The following PRMT9 variants were observed in gnomAD, a reference collection of about 807,000 sequenced individuals.
PRMT9 encodes the protein protein arginine methyltransferase 9, also known as protein arginine N-methyltransferase 9.
Under a neutral mutation model 83.2 loss-of-function variants are expected in PRMT9, and 59 were observed. The observed-to-expected ratio is 0.71, with a 90% CI of 0.57 to 0.88. The LOEUF is 0.88. Among genes scored for constraint, PRMT9 ranks in the 40% least tolerant of loss-of-function variants. The pLI is 0.00. For synonymous variants in PRMT9, 333 were observed against 353.2 expected, an observed-to-expected ratio of 0.94 and a Z score of 0.64; for missense variants, 947 against 1,021.9, an observed-to-expected ratio of 0.93 and a Z score of 1.00.
chr4:147,650,704 G>A (rs1207220416), intron 9 of PRMT9, among the ~76,000 whole-genome samples: 4 of 152,174 alleles, frequency 2.6e-5, no homozygotes, highest in African/African-American at 7.2e-5. Context: ...GAACAAAGTT[G>A]GAGGCCTCAC....
chr4:147,676,915 G>A (rs1578939430), intron 2 of PRMT9, among the ~76,000 whole-genome samples: 1 of 152,020 alleles, frequency 6.6e-6, no homozygotes, highest in South Asian at 2.1e-4. Flanking sequence ...GTGGTGGCAT[G>A]TGCCTGTAAT....
At position 147,653,959 on chromosome 4, in the gene PRMT9, CAT is replaced by C; in HGVS notation, c.1936_1937del (p.Met646ValfsTer19). On this transcript the variant is annotated frameshift_variant, in exon 9 of 12. Transcript: ENST00000322396. LOFTEE classifies it high-confidence loss of function. Reference sequence around the variant, plus strand: ...ACTTGTCTGATTTTGGCCTTTGTAACATAGCAGATTCATCCTCCACATGTCTC... The same window carrying C: ...ACTTGTCTGATTTTGGCCTTTGTAACAGCAGATTCATCCTCCACATGTCTC... Reference protein sequence around the residue: ...WLRHVEDESAMLQRPKSDKLW... With the variant: ...WLRHVEDESAXLQRPKSDKLW... The C allele has an allele frequency of 1.2e-6, 2 of 1,614,180 alleles. No individual in the cohort carries two copies. The highest frequency in any genetic ancestry group is 1.7e-6 in the Non-Finnish European group (2 of 1,180,014).
intron 10 of PRMT9, among the ~76,000 whole-genome samples, chr4:147,642,487 C>A (rs913130371): frequency 6.7e-6 from 1 of 150,130 alleles, no homozygotes; most frequent in African/African-American, 2.5e-5. Context: ...GTGATCCACC[C>A]GCCTGGGCCT....
intron 4 of PRMT9, chr4:147,672,099 C>A: frequency 3.2e-6 from 1 of 313,110 alleles, no homozygotes; most frequent in Non-Finnish European, 6.3e-6. Flanking sequence ...CAACTGAGGA[C>A]AGTGTTTTTA....
chr4:147,676,310 A>T (rs181888247), intron 2 of PRMT9, among the ~76,000 whole-genome samples: 1 of 152,344 alleles, frequency 6.6e-6, no homozygotes, highest in Admixed American at 6.5e-5. Context: ...CCGTATGTGT[A>T]TAATCTGGAA....
intron 6 of PRMT9, among the ~76,000 whole-genome samples, chr4:147,661,754 C>T (rs1734973837): frequency 7.0e-6 from 1 of 143,010 alleles, no homozygotes; most frequent in Non-Finnish European, 1.5e-5. Context: ...CACGCCACTG[C>T]ACTCCAGCCT....
intron 1 of PRMT9, among the ~76,000 whole-genome samples, chr4:147,683,146 C>T (rs1040673933): frequency 6.6e-6 from 1 of 152,112 alleles, no homozygotes; most frequent in African/African-American, 2.4e-5. Context: ...AGGCTAATTA[C>T]ACACTTTATT....
chr4:147,652,746 C>A (rs1024557592), intron 9 of PRMT9, among the ~76,000 whole-genome samples: 1 of 133,418 alleles, frequency 7.5e-6, no homozygotes, highest in African/African-American at 2.8e-5. Flanking sequence ...AAAAAAAAAT[C>A]TATAAACTAA....
At chr4:147,649,036 T>G (rs1733921663) in intron 9 of PRMT9, among the ~76,000 whole-genome samples, 1 of 152,162 alleles carries the variant, frequency 6.6e-6, no homozygotes, top group Admixed American at 6.5e-5. Context: ...GAACCATCCA[T>G]GCCTTCAGCA....
At chr4:147,653,683 G>A (rs961450733) in intron 9 of PRMT9, among the ~76,000 whole-genome samples, 169 bp downstream of exon 9, 3 of 151,982 alleles carry the variant, frequency 2.0e-5, no homozygotes, top group Admixed American at 1.3e-4. Flanking sequence ...CCAAACCAGC[G>A]ATGATTTTAG....
Position 147,672,088 on chromosome 4 carries a change from A to G in PRMT9, c.743+871T>C, listed in dbSNP as rs150720197. 436 of 326,430 alleles carry G rather than the reference A, an allele frequency of 1.3e-3. 2 individuals carry two copies. Among genetic ancestry groups the G allele is most frequent in the Middle Eastern group, 7.5e-3 (8 of 1,072 alleles). 20.2% of individuals were successfully genotyped at this position (326,430 alleles called of 1,614,324 possible). A position where few individuals can be genotyped will look rare whatever the true frequency, so the allele number is the denominator to read the frequency against. On this transcript the variant is annotated intron_variant, in intron 4 of 11. Transcript: ENST00000322396. ...GTTATGGCAGCCCAAGTGGAACAAG[A>G]CAACTGAGGACAGTGTTTTTAGTGT...
intron 9 of PRMT9, among the ~76,000 whole-genome samples, chr4:147,645,543 C>T (rs1733672109): frequency 6.6e-6 from 1 of 152,134 alleles, no homozygotes; most frequent in South Asian, 2.1e-4. Flanking sequence ...TTAGGAAACA[C>T]ATGCTAAATA....
intron 10 of PRMT9, among the ~76,000 whole-genome samples, chr4:147,639,784 C>T (rs1254118808): frequency 6.6e-6 from 1 of 152,146 alleles, no homozygotes; most frequent in Non-Finnish European, 1.5e-5. Flanking sequence ...ACCACTTTTC[C>T]TTGTATAAGG....
intron 9 of PRMT9, among the ~76,000 whole-genome samples, chr4:147,652,531 AC>A (rs1296211665): frequency 1.3e-5 from 2 of 152,032 alleles, no homozygotes; most frequent in East Asian, 3.8e-4. Context: ...ATACTTTAAA[AC>A]CTATGAACCT....
chr4:147,641,217 AC>A (rs1197169570), intron 10 of PRMT9, among the ~76,000 whole-genome samples: 1 of 151,864 alleles, frequency 6.6e-6, no homozygotes, highest in Non-Finnish European at 1.5e-5. Flanking sequence ...TCTGTTCAAT[AC>A]CCTCCAGTTG....
chr4:147,684,068 G>A lies in PRMT9; in HGVS notation c.-81C>T, dbSNP rs980507295. 2.1e-6 allele frequency: 3 copies of A among 1,444,574 alleles called. No individual in the cohort carries two copies. Among genetic ancestry groups the A allele is most frequent in the Non-Finnish European group, 2.8e-6 (3 of 1,053,478 alleles). 89.5% of individuals were successfully genotyped at this position (1,444,574 alleles called of 1,614,324 possible). ...ACTCTCTCGATGCTACACTTCCAGG[G>A]ACCAGACAACTGCTCAAAAAACAGC... On this transcript the variant is annotated 5_prime_UTR_variant, in exon 1 of 12. Transcript: ENST00000322396.
At chr4:147,657,184 A>T (rs1423953354) in intron 8 of PRMT9, among the ~76,000 whole-genome samples, 1 of 152,154 alleles carries the variant, frequency 6.6e-6, no homozygotes, top group East Asian at 1.9e-4. Flanking sequence ...ATACTTTTCC[A>T]GTACTTTCCA....
intron 11 of PRMT9, 60 bp from the exon 12 acceptor site, chr4:147,638,807 T>C (rs978125968): frequency 1.4e-6 from 2 of 1,407,690 alleles, no homozygotes; most frequent in African/African-American, 1.4e-5. Flanking sequence ...TAGATAAGTC[T>C]CTTTTTAGTT....
In PRMT9 at chr4:147,673,846, A is replaced by AC; in HGVS notation, c.366dup (p.Tyr123ValfsTer4). On this transcript the variant is annotated frameshift_variant, in exon 3 of 12. Transcript: ENST00000322396. LOFTEE classifies it high-confidence loss of function. ...TTTAGCTTCACTGCTTTATGAAAAT[A>AC]CCCAGCTGCTTCATCCCTAAAGCCC... is the stretch of plus-strand genomic sequence containing the variant. 1 of 1,614,094 alleles carries AC rather than the reference A, an allele frequency of 6.2e-7. No homozygotes were observed. The highest frequency in any genetic ancestry group is 8.5e-7 in the Non-Finnish European group (1 of 1,179,946).
Sources: allele counts gnomAD v4.1 joint callset (sites outside exome capture counted in the v4.1 genomes callset), GRCh38; gene constraint gnomAD v4.1.1; transcripts MANE v1.5; gene names NCBI Gene and HGNC (gene_info 2026-07-23, HGNC 2026-07-21).